RYR3: variants seen among roughly 807,000 people sequenced by gnomAD.
RYR3 encodes ryanodine receptor 3.
A neutral mutation model predicts 584.3 loss-of-function variants in RYR3; 207 were observed. The observed-to-expected ratio is 0.35, with a 90% CI of 0.32 to 0.40. RYR3 has a LOEUF of 0.40. RYR3 is among the 10% of genes least tolerant of loss of function. The pLI, the probability that RYR3 is intolerant of heterozygous loss-of-function variation, is 1.00. For missense variants in RYR3, 5,616 were observed against 6,089.2 expected (o/e 0.92, Z 2.59); for synonymous variants, 2,416 against 2,248.5 (o/e 1.07, Z -2.11).
chr15:33,566,915 A>G (rs2057747375), intron 12 of RYR3, 116 bp downstream of exon 12: 1 of 1,173,820 alleles, frequency 8.5e-7, no homozygotes, highest in Non-Finnish European at 1.2e-6. Flanking sequence ...ATACACCAGC[A>G]AAGAGTTTTA....
intron 1 of RYR3, among the ~76,000 whole-genome samples, chr15:33,411,249 G>A (rs1056387862): frequency 6.6e-6 from 1 of 152,166 alleles, no homozygotes; most frequent in Non-Finnish European, 1.5e-5. Flanking sequence ...CCTGAGAAAA[G>A]TTAGGAGTAT....
chr15:33,817,595 G>A (rs1004227284), intron 75 of RYR3, among the ~76,000 whole-genome samples: 5 of 152,096 alleles, frequency 3.3e-5, no homozygotes, highest in South Asian at 2.1e-4. Context: ...ATCTTGTCCT[G>A]TGTTTCTGAT....
intron 38 of RYR3, among the ~76,000 whole-genome samples, chr15:33,687,862 G>C (rs940335488): frequency 6.6e-6 from 1 of 152,192 alleles, no homozygotes; most frequent in African/African-American, 2.4e-5. Context: ...CTAGCCATAT[G>C]TAGAAAGCTG....
At chr15:33,523,491 G>A (rs1002136845) in intron 3 of RYR3, among the ~76,000 whole-genome samples, 1 of 152,120 alleles carries the variant, frequency 6.6e-6, no homozygotes, top group African/African-American at 2.4e-5. Flanking sequence ...AAGGTCTGCG[G>A]CTTCATTCTT....
chr15:33,487,130 G>A (rs374475844), intron 2 of RYR3, among the ~76,000 whole-genome samples: 5 of 152,062 alleles, frequency 3.3e-5, no homozygotes, highest in Non-Finnish European at 7.4e-5. Context: ...CCCAGGAGGC[G>A]GAGGTTGCAG....
At chr15:33,547,009 G>T (rs752406844) in intron 8 of RYR3, among the ~76,000 whole-genome samples, 20 of 152,194 alleles carry the variant, frequency 1.3e-4, no homozygotes, top group Admixed American at 3.3e-4. Context: ...TTCTCAGAAA[G>T]TGGCTGGATT....
At chr15:33,440,900 G>A (rs966322668) in intron 1 of RYR3, among the ~76,000 whole-genome samples, 1 of 146,810 alleles carries the variant, frequency 6.8e-6, no homozygotes, top group Non-Finnish European at 1.5e-5. Flanking sequence ...AGAATGGTCA[G>A]ACAGCAGTGA....
chr15:33,760,231 A>T (rs893897691), intron 60 of RYR3, among the ~76,000 whole-genome samples: 3 of 152,196 alleles, frequency 2.0e-5, no homozygotes, highest in African/African-American at 7.2e-5. Flanking sequence ...GCATCAACTA[A>T]TGGGCAAAAT....
At chr15:33,831,195 A>C (rs2077655134) in intron 86 of RYR3, 104 bp downstream of exon 86, 1 of 1,082,680 alleles carries the variant, frequency 9.2e-7, no homozygotes. Context: ...TGCACTATCC[A>C]TCCAGCCCTA....
chr15:33,863,523 A>C (rs972634902), intron 102 of RYR3, among the ~76,000 whole-genome samples: 2 of 152,284 alleles, frequency 1.3e-5, no homozygotes, highest in Non-Finnish European at 2.9e-5. Flanking sequence ...GGTCTCTGAG[A>C]TCATATAATG....
intron 2 of RYR3, among the ~76,000 whole-genome samples, chr15:33,479,229 C>T (rs990940140): frequency 6.6e-6 from 1 of 152,078 alleles, no homozygotes; most frequent in African/African-American, 2.4e-5. Flanking sequence ...CTAAAAATAA[C>T]TTATTTTCTA....
chr15:33,698,627 G>A (rs1879361), intron 40 of RYR3, among the ~76,000 whole-genome samples: 1 of 150,928 alleles, frequency 6.6e-6, no homozygotes, highest in Non-Finnish European at 1.5e-5. Context: ...AGAGTGCCAG[G>A]GTCCTAGGAA....
chr15:33,815,544 G>C (rs1470089381), intron 74 of RYR3: 2 of 239,338 alleles, frequency 8.4e-6, no homozygotes, highest in Non-Finnish European at 1.6e-5. Flanking sequence ...GTTTTACTCT[G>C]TATGGGTAAG....
intron 59 of RYR3, 66 bp downstream of exon 59, chr15:33,756,439 T>G: frequency 8.7e-7 from 1 of 1,150,934 alleles, no homozygotes; most frequent in Admixed American, 2.1e-5. Context: ...GGAAACAGGT[T>G]AAGTGGATCC....
At chr15:33,668,244 G>T (rs2063606076) in intron 36 of RYR3, among the ~76,000 whole-genome samples, 1 of 151,992 alleles carries the variant, frequency 6.6e-6, no homozygotes, top group Admixed American at 6.5e-5. Context: ...GTGAACCCGG[G>T]AGGCGGAGCT....
At chr15:33,343,886 A>G (rs1334386146) in intron 1 of RYR3, among the ~76,000 whole-genome samples, 1 of 152,088 alleles carries the variant, frequency 6.6e-6, no homozygotes, top group East Asian at 1.9e-4. Context: ...TTTTTCCTAT[A>G]CAGTAGTAAT....
At chr15:33,404,371 A>G (rs1255477923) in intron 1 of RYR3, among the ~76,000 whole-genome samples, 1 of 152,192 alleles carries the variant, frequency 6.6e-6, no homozygotes, top group Non-Finnish European at 1.5e-5. Flanking sequence ...CAGAGCTGTT[A>G]AGTAACTTGG....
At chr15:33,853,193 GA>G in intron 95 of RYR3, 106 bp downstream of exon 95, 1 of 1,054,548 alleles carries the variant, frequency 9.5e-7, no homozygotes. Flanking sequence ...CTACTTTTAT[GA>G]TAATATCTCA....
chr15:33,753,394 A>G (rs1380490594), intron 57 of RYR3, among the ~76,000 whole-genome samples: 1 of 152,204 alleles, frequency 6.6e-6, no homozygotes, highest in East Asian at 1.9e-4. Flanking sequence ...AAACTTACAT[A>G]AGTCAAAATC....
Sources: gnomAD v4.1 joint callset for allele counts (sites outside exome capture counted in the v4.1 genomes callset) on GRCh38, gnomAD v4.1.1 for gene constraint, MANE v1.5 for transcripts, NCBI Gene and HGNC (gene_info 2026-07-23, HGNC 2026-07-21) for gene names.